The following KCNIP4 variants were observed in gnomAD, a reference collection of about 807,000 sequenced individuals.
The protein encoded by KCNIP4 is Kv channel-interacting protein 4.
Under a neutral mutation model 34.0 loss-of-function variants are expected in KCNIP4, and 12 were observed. The ratio of observed to expected loss-of-function variants is 0.35; its 90% confidence interval spans 0.23 to 0.57. The LOEUF (loss-of-function observed/expected upper bound fraction) is 0.57. KCNIP4 is among the 20% of genes least tolerant of loss of function. The probability of loss-of-function intolerance (pLI) is 0.83; values close to 1 mark genes in which losing one functional copy is unlikely to be tolerated. For missense variants in KCNIP4, 238 were observed against 311.7 expected, an observed-to-expected ratio of 0.76 and a Z score of 1.78; for synonymous variants, 124 against 102.2, an observed-to-expected ratio of 1.21 and a Z score of -1.29.
Position 21,200,326 on chromosome 4 carries a change from G to GTA in KCNIP4, c.62-317619_62-317618dup, listed in dbSNP as rs1185513795. Among the ~76,000 whole-genome samples the GTA allele has an allele frequency of 1.2e-3, 61 of 52,564 alleles. 2 individuals carry two copies. The highest frequency in any genetic ancestry group is 2.2e-3 in the East Asian group (5 of 2,278). 34.5% of individuals were successfully genotyped at this position (52,564 alleles called of 152,430 possible). A position where few individuals can be genotyped will look rare whatever the true frequency, so the allele number is the denominator to read the frequency against. On this transcript the variant is annotated intron_variant, in intron 1 of 8. Coordinates refer to ENST00000382152, the MANE Select transcript of KCNIP4 (RefSeq NM_025221.6). The stretch of plus-strand genomic sequence containing the variant: ...TATATATATACATACATATATGTGT[G>GTA]TATATATATATACATACATATATGT...
chr4:21,675,971 A>G (rs1749859861), intron 1 of KCNIP4, among the ~76,000 whole-genome samples: 1 of 152,206 alleles, frequency 6.6e-6, no homozygotes, highest in African/African-American at 2.4e-5. Context: ...ACAGGGTCCT[A>G]GCTTGAGCAC....
At chr4:21,137,087 C>T (rs904846253) in intron 1 of KCNIP4, among the ~76,000 whole-genome samples, 2 of 149,438 alleles carry the variant, frequency 1.3e-5, no homozygotes, top group Non-Finnish European at 3.0e-5. Flanking sequence ...TCTGTCCTGT[C>T]GTCTTGGCAA....
At chr4:21,437,880 A>T (rs1379871801) in intron 1 of KCNIP4, among the ~76,000 whole-genome samples, 6 of 143,268 alleles carry the variant, frequency 4.2e-5, no homozygotes, top group African/African-American at 1.5e-4. Context: ...TTATTTTACA[A>T]GTGTGTGTGT....
rs115757932 is a variant in KCNIP4, at chr4:21,593,994, T to C, written c.61+354577A>G. ...CACCTACCAGCCAACATAATTTGCT[T>C]ACTTAGTATACCTTGGGGCCTGCAT... On this transcript the variant is annotated intron_variant, in intron 1 of 8. Transcript: ENST00000382152. 3.2e-3 allele frequency among the ~76,000 whole-genome samples: 483 copies of C among 152,198 alleles called. 3 individuals are homozygous for C. The highest frequency in any genetic ancestry group is 0.011 in the African/African-American group (461 of 41,540).
rs147323517 is a variant in KCNIP4 at position 21,267,139 on chromosome 4, T to C, written c.62-384430A>G. Among the ~76,000 whole-genome samples the C allele has an allele frequency of 9.1e-4, 139 of 152,122 alleles. 2 individuals carry two copies. The highest frequency in any genetic ancestry group is 7.9e-3 in the South Asian group (38 of 4,824). ...AATGGATGCTGACTCAAGTTTATATTTCTTTCAAATATGACTGACTCAAAA... is the reference window on the plus strand; with the variant it reads ...AATGGATGCTGACTCAAGTTTATATCTCTTTCAAATATGACTGACTCAAAA... On this transcript the variant is annotated intron_variant, in intron 1 of 8. Coordinates refer to ENST00000382152, the MANE Select transcript of KCNIP4 (RefSeq NM_025221.6).
intron 1 of KCNIP4, among the ~76,000 whole-genome samples, chr4:21,893,556 C>T (rs947605844): frequency 2.0e-5 from 3 of 152,080 alleles, no homozygotes; most frequent in Non-Finnish European, 4.4e-5. Context: ...TTCATCTCCC[C>T]CTAATTTTCT....
chr4:21,064,250 T>A (rs1025687693), intron 1 of KCNIP4, among the ~76,000 whole-genome samples: 1 of 152,144 alleles, frequency 6.6e-6, no homozygotes, highest in African/African-American at 2.4e-5. Context: ...AGTTAATGAT[T>A]TATGTTTCTG....
chr4:20,929,000 AAT>A (rs1184587316), intron 1 of KCNIP4, among the ~76,000 whole-genome samples: 1 of 151,958 alleles, frequency 6.6e-6, no homozygotes, highest in East Asian at 1.9e-4. Flanking sequence ...TCTCCCAACA[AAT>A]AGAGATAGAA....
intron 1 of KCNIP4, among the ~76,000 whole-genome samples, chr4:21,011,999 T>C (rs1360376093): frequency 2.6e-5 from 4 of 152,194 alleles, no homozygotes; most frequent in Non-Finnish European, 5.9e-5. Context: ...TTTGGAGTCT[T>C]TCACAAAGAG....
At chr4:20,908,674 T>C (rs11941307) in intron 1 of KCNIP4, among the ~76,000 whole-genome samples, 3,546 of 152,270 alleles carry the variant, frequency 0.023, 122 homozygotes, top group African/African-American at 0.073. Flanking sequence ...CTCAGTGATG[T>C]TTCCCCTGAT....
At chr4:20,833,351 G>A (rs987554566) in intron 3 of KCNIP4, among the ~76,000 whole-genome samples, 2 of 152,044 alleles carry the variant, frequency 1.3e-5, no homozygotes, top group Non-Finnish European at 2.9e-5. Flanking sequence ...TGGGTGTGGT[G>A]GCACATGCCT....
At chr4:21,234,326 TATAAATTATATATAACATAC>T (rs1759144115) in intron 1 of KCNIP4, among the ~76,000 whole-genome samples, 1 of 98,070 alleles carries the variant, frequency 1.0e-5, no homozygotes, top group African/African-American at 5.7e-5. Flanking sequence ...ATATAACATA[TATAAATTATATATAACATAC>T]ATTATATATA....
rs376487083 is a variant in KCNIP4, at chr4:20,739,680, C to T, written c.430-4945G>A. On this transcript the variant is annotated intron_variant, in intron 5 of 8. Transcript: ENST00000382152. ...GCTGAAAAGTGTAAAAATCAGAGAA[C>T]CTCTTCTCCAAAGGAACGCACCTCC... 4.6e-5 allele frequency among the ~76,000 whole-genome samples: 7 copies of T among 152,250 alleles called. No individual in the cohort carries two copies. The East Asian group carries it at 1.4e-3, about 29-fold the overall frequency.
chr4:21,216,893 G>A (rs1047850260), intron 1 of KCNIP4, among the ~76,000 whole-genome samples: 5 of 152,198 alleles, frequency 3.3e-5, no homozygotes, highest in Admixed American at 2.0e-4. Flanking sequence ...GTAAAAGGGA[G>A]ATAGGAACAT....
At chr4:21,883,932 A>T (rs1201039229) in intron 1 of KCNIP4, among the ~76,000 whole-genome samples, 1 of 152,236 alleles carries the variant, frequency 6.6e-6, no homozygotes, top group African/African-American at 2.4e-5. Context: ...CTACACACAC[A>T]TTAAATATTT....
At chr4:21,689,111 A>C (rs1751043774) in intron 1 of KCNIP4, among the ~76,000 whole-genome samples, 1 of 152,148 alleles carries the variant, frequency 6.6e-6, no homozygotes, top group Non-Finnish European at 1.5e-5. Context: ...CACGAGACTC[A>C]GCTCTTAACA....
intron 1 of KCNIP4, among the ~76,000 whole-genome samples, chr4:21,721,817 G>C (rs1367083528): frequency 6.6e-6 from 1 of 152,016 alleles, no homozygotes; most frequent in African/African-American, 2.4e-5. Flanking sequence ...ACACAATTAT[G>C]CCCGTCTCCA....
intron 1 of KCNIP4, among the ~76,000 whole-genome samples, chr4:21,532,453 G>A (rs369487269): frequency 4.6e-5 from 7 of 151,876 alleles, no homozygotes; most frequent in Admixed American, 2.6e-4. Context: ...AAGTTATTTC[G>A]AAATGCACAG....
intron 1 of KCNIP4, among the ~76,000 whole-genome samples, chr4:21,533,077 C>T (rs1472247270): frequency 6.6e-6 from 1 of 151,482 alleles, no homozygotes; most frequent in Non-Finnish European, 1.5e-5. Context: ...TTGTCCCAAG[C>T]TATATAGTAC....
Sources: allele counts gnomAD v4.1 joint callset (sites outside exome capture counted in the v4.1 genomes callset), GRCh38; gene constraint gnomAD v4.1.1; transcripts MANE v1.5; gene names NCBI Gene and HGNC (gene_info 2026-07-23, HGNC 2026-07-21).